NT5C2: variants seen among roughly 807,000 people sequenced by gnomAD.
The protein encoded by NT5C2 is 5'-nucleotidase, cytosolic II, also known as cytosolic purine 5'-nucleotidase.
NT5C2 carries 58 observed loss-of-function variants against 76.1 expected under a neutral mutation model. The ratio of observed to expected loss-of-function variants is 0.76; its 90% CI spans 0.62 to 0.95. The LOEUF (loss-of-function observed/expected upper bound fraction) is 0.95, where lower values mean the gene tolerates loss of function less well. Ranked by LOEUF, NT5C2 falls within the 40% of genes least tolerant of loss-of-function variation. NT5C2 has a pLI of 0.00. For missense variants in NT5C2, 478 were observed against 690.3 expected, an observed-to-expected ratio of 0.69 and a Z score of 3.45; for synonymous variants, 229 against 237.4, an observed-to-expected ratio of 0.96 and a Z score of 0.32.
intron 3 of NT5C2, among the ~76,000 whole-genome samples, chr10:103,147,893 A>T (rs2081751997): frequency 6.6e-6 from 1 of 152,160 alleles, no homozygotes; most frequent in Admixed American, 6.6e-5. Flanking sequence ...AAAATTAGAT[A>T]GCGGTATTGG....
chr10:103,190,344 C>G (rs761948695), intron 1 of NT5C2, among the ~76,000 whole-genome samples: 2 of 152,148 alleles, frequency 1.3e-5, no homozygotes, highest in Non-Finnish European at 2.9e-5. Flanking sequence ...CTCTACCAAA[C>G]CCTTTTAGTG....
chr10:103,123,783 C>T (rs1467480298), intron 4 of NT5C2, among the ~76,000 whole-genome samples: 5 of 152,056 alleles, frequency 3.3e-5, no homozygotes, highest in Non-Finnish European at 5.9e-5. Context: ...CTGGAATGTA[C>T]CTCCTTCCGG....
intron 4 of NT5C2, among the ~76,000 whole-genome samples, chr10:103,128,989 C>G (rs1210447416): frequency 6.2e-5 from 7 of 112,356 alleles, no homozygotes; most frequent in Admixed American, 5.1e-4. Flanking sequence ...GGGGGTCAAC[C>G]CCCCGCCCGG....
Position 103,088,787 on chromosome 10 carries a change from A to G in NT5C2, c.*885T>C, listed in dbSNP as rs1434463051. 5.4e-6 allele frequency: 1 copy of G among 183,886 alleles called. No individual in the cohort carries two copies. The highest frequency in any genetic ancestry group is 2.3e-5 in the African/African-American group (1 of 42,560). 11.4% of individuals were successfully genotyped at this position (183,886 alleles called of 1,614,324 possible). The stretch of plus-strand genomic sequence containing the variant: ...CCCTCTTCCCATCCTCTGATGTTCA[A>G]TTTTAATATACAGCAATCAACTCTT... On this transcript the variant is annotated 3_prime_UTR_variant, in exon 19 of 19. Coordinates refer to ENST00000404739, the MANE Select transcript of NT5C2 (RefSeq NM_001351169.2).
At chr10:103,104,156 T>C (rs1359648477) in intron 6 of NT5C2, among the ~76,000 whole-genome samples, 1 of 152,120 alleles carries the variant, frequency 6.6e-6, no homozygotes, top group Non-Finnish European at 1.5e-5. Context: ...AGCTTTTCTG[T>C]TTAACTCTAA....
intron 4 of NT5C2, among the ~76,000 whole-genome samples, chr10:103,123,466 C>G (rs2076082586): frequency 6.6e-6 from 1 of 152,112 alleles, no homozygotes; most frequent in Non-Finnish European, 1.5e-5. Context: ...CAAGGGCTCA[C>G]AGCCTCCCAA....
At chr10:103,111,746 T>TGAGGCA in intron 4 of NT5C2, 2 of 1,232,008 alleles carry the variant, frequency 1.6e-6, no homozygotes, top group Non-Finnish European at 2.0e-6. Context: ...AGAACTCACA[T>TGAGGCA]GAGGCAGATG....
intron 3 of NT5C2, among the ~76,000 whole-genome samples, chr10:103,160,001 A>G (rs571801958): frequency 6.6e-6 from 1 of 152,350 alleles, no homozygotes; most frequent in East Asian, 1.9e-4. Context: ...AAAACTTACT[A>G]CAAAGCTGCA....
Position 103,175,402 on chromosome 10 carries a change from C to T in NT5C2, c.-24-420G>A, listed in dbSNP as rs528789130. Among the ~76,000 whole-genome samples the T allele has an allele frequency of 7.9e-5, 12 of 152,228 alleles. No individual in the cohort carries two copies. The South Asian group carries it at 2.5e-3, about 32-fold the overall frequency. ...TGGTGTGGAGTAGAACAGTAGCAGG[C>T]ACAGCTAGCGGGTTGGAATGGGGGT... On this transcript the variant is annotated intron_variant, in intron 2 of 18. Transcript: ENST00000404739.
At chr10:103,128,876 C>T (rs1484026630) in intron 4 of NT5C2, among the ~76,000 whole-genome samples, 51 of 75,420 alleles carry the variant, frequency 6.8e-4, no homozygotes, top group African/African-American at 2.5e-3. Context: ...CCGGCAGCTG[C>T]CCCGTCTGAG....
At chr10:103,162,972 T>C (rs928156253) in intron 3 of NT5C2, among the ~76,000 whole-genome samples, 3 of 152,144 alleles carry the variant, frequency 2.0e-5, no homozygotes, top group African/African-American at 7.2e-5. Flanking sequence ...CTACTAACTC[T>C]TAGAACCCAC....
intron 4 of NT5C2, among the ~76,000 whole-genome samples, chr10:103,130,069 T>C (rs1458182303): frequency 6.6e-6 from 1 of 151,602 alleles, no homozygotes; most frequent in East Asian, 2.0e-4. Flanking sequence ...AACAGCTCAT[T>C]GAGAACGGGC....
intron 3 of NT5C2, chr10:103,146,242 T>C (rs1000487411): frequency 2.0e-6 from 2 of 985,306 alleles, no homozygotes; most frequent in African/African-American, 1.7e-5. Flanking sequence ...TAACTTGTCA[T>C]TGGATATCAC....
At chr10:103,095,384 C>G (rs2067940389) in intron 12 of NT5C2, among the ~76,000 whole-genome samples, 1 of 152,206 alleles carries the variant, frequency 6.6e-6, no homozygotes, top group African/African-American at 2.4e-5. Flanking sequence ...GATGTTTATT[C>G]ACTAAAGTCT....
At chr10:103,096,477 AAG>A (rs2068208876) in intron 11 of NT5C2, among the ~76,000 whole-genome samples, 1 of 152,174 alleles carries the variant, frequency 6.6e-6, no homozygotes, top group African/African-American at 2.4e-5. Flanking sequence ...GTCTCAGCAA[AAG>A]TAAGATGAAG....
intron 4 of NT5C2, among the ~76,000 whole-genome samples, chr10:103,138,253 C>T (rs2079673296): frequency 6.6e-6 from 1 of 152,170 alleles, no homozygotes; most frequent in African/African-American, 2.4e-5. Flanking sequence ...AACCCCAGTA[C>T]ATCTCTGAGT....
chr10:103,193,084 G>A (rs2092771941), intron 1 of NT5C2, among the ~76,000 whole-genome samples, 152 bp downstream of exon 1: 1 of 151,576 alleles, frequency 6.6e-6, no homozygotes, highest in South Asian at 2.1e-4. Context: ...GGCCTAAGGA[G>A]AGGGGCCTTG....
intron 4 of NT5C2, among the ~76,000 whole-genome samples, chr10:103,107,822 A>G (rs1284311846): frequency 6.6e-6 from 1 of 152,060 alleles, no homozygotes; most frequent in Non-Finnish European, 1.5e-5. Flanking sequence ...TCCATAATGA[A>G]AAAACTTTTC....
At chr10:103,094,965 TAAC>T (rs796857194) in intron 12 of NT5C2, among the ~76,000 whole-genome samples, 21 of 152,118 alleles carry the variant, frequency 1.4e-4, no homozygotes, top group African/African-American at 4.6e-4. Flanking sequence ...ATAACTGTAA[TAAC>T]ACATTCTATA....
Sources: allele counts gnomAD v4.1 joint callset (sites outside exome capture counted in the v4.1 genomes callset), GRCh38; gene constraint gnomAD v4.1.1; transcripts MANE v1.5; gene names NCBI Gene and HGNC (gene_info 2026-07-23, HGNC 2026-07-21).